PPP1R15B: variants seen among roughly 807,000 people sequenced by gnomAD.
PPP1R15B encodes protein phosphatase 1 regulatory subunit 15B.
A neutral mutation model predicts 53.9 loss-of-function variants in PPP1R15B; 31 were observed. The observed-to-expected ratio is 0.58, with a 90% CI of 0.43 to 0.78. PPP1R15B has a LOEUF of 0.78. Ranked by LOEUF, PPP1R15B falls within the 30% of genes least tolerant of loss-of-function variation. The probability of loss-of-function intolerance (pLI) is 0.00; values close to 1 mark genes in which losing one functional copy is unlikely to be tolerated. For missense variants in PPP1R15B, 928 were observed against 849.6 expected (o/e 1.09, Z -1.15); for synonymous variants, 345 against 329.1 (o/e 1.05, Z -0.52).
At position 204,410,701 on chromosome 1, in the gene PPP1R15B, G is replaced by C; in HGVS notation, c.711C>G (p.Ser237Arg). The C allele has an allele frequency of 6.2e-7, 1 of 1,614,156 alleles. No homozygotes were observed. The highest frequency in any genetic ancestry group is 8.5e-7 in the Non-Finnish European group (1 of 1,179,998). The change falls in exon 1 of 2, where the codon AGC (serine) becomes AGG (arginine). Residue 237 changes from serine to arginine, a missense_variant. Transcript: ENST00000367188. ...CGCTATTTCCATCACTGTTCTGATA[G>C]CTGACTTCTAGCCTAGGAAAGCAGT... ...YLDCFPRLEV[S>R]YQNSDGNSEV... is the part of the protein sequence containing the mutation.
chr1:204,409,463 T>C, intron 1 of PPP1R15B, 29 bp downstream of exon 1: 4 of 1,583,960 alleles, frequency 2.5e-6, no homozygotes, highest in Non-Finnish European at 3.4e-6. Flanking sequence ...TCAGAACATA[T>C]CAGGCATGTT....
At chr1:204,397,056 T>C (rs1272487839), downstream of PPP1R15B, among the ~76,000 whole-genome samples, 1 of 151,854 alleles carries the variant, frequency 6.6e-6, no homozygotes, top group Non-Finnish European at 1.5e-5. Flanking sequence ...GTTGTGGTGG[T>C]GTGAGCCTGT....
chr1:204,404,245 A>G lies in PPP1R15B; in HGVS notation c.*1847T>C. On this transcript the variant is annotated 3_prime_UTR_variant, in exon 2 of 2. Coordinates refer to ENST00000367188, the MANE Select transcript of PPP1R15B (RefSeq NM_032833.5). ...ACACACAGAATCCCAGCACTTTGAG[A>G]GGCCGAGGCGGGCGGATCACGAGGT... 1 of 984,228 alleles carries G rather than the reference A, an allele frequency of 1.0e-6. No individual in the cohort carries two copies. Among genetic ancestry groups the G allele is most frequent in the Non-Finnish European group, 1.2e-6 (1 of 828,876 alleles). 61.0% of individuals were successfully genotyped at this position (984,228 alleles called of 1,614,324 possible). A position where few individuals can be genotyped will look rare whatever the true frequency, so the allele number is the denominator to read the frequency against.
downstream of PPP1R15B, among the ~76,000 whole-genome samples, chr1:204,401,698 A>G (rs1420282509): frequency 6.6e-6 from 1 of 152,212 alleles, no homozygotes; most frequent in East Asian, 1.9e-4. Flanking sequence ...CCCAAATCTG[A>G]GTAACTATCT....
intron 1 of PPP1R15B, among the ~76,000 whole-genome samples, chr1:204,406,844 C>A (rs1012633785): frequency 3.2e-4 from 48 of 152,038 alleles, no homozygotes; most frequent in African/African-American, 8.9e-4. Context: ...TATCTTTCAT[C>A]TATATATACT....
downstream of PPP1R15B, among the ~76,000 whole-genome samples, chr1:204,401,029 C>T (rs1345850128): frequency 6.6e-6 from 1 of 152,160 alleles, no homozygotes; most frequent in Non-Finnish European, 1.5e-5. Flanking sequence ...CTAGTTTCCC[C>T]TGTCTCTCTC....
chr1:204,399,836 T>A (rs1244837476), downstream of PPP1R15B, among the ~76,000 whole-genome samples: 2 of 152,312 alleles, frequency 1.3e-5, no homozygotes, highest in African/African-American at 4.8e-5. Context: ...AAAGAGGAAC[T>A]AGTCTTTCAT....
In PPP1R15B at chr1:204,403,476, T is replaced by G. The variant is rs1674213079; in HGVS notation, c.*2616A>C. ...TTTTAACTATAAAATCCCAACTAGT[T>G]ACATTTAAATTATTGATCTGTAGAA... is the stretch of plus-strand genomic sequence containing the variant. On this transcript the variant is annotated 3_prime_UTR_variant, in exon 2 of 2. Transcript: ENST00000367188. 2.3e-6 allele frequency: 2 copies of G among 877,490 alleles called. No homozygotes were observed. Among genetic ancestry groups the G allele is most frequent in the Non-Finnish European group, 2.7e-6 (2 of 731,420 alleles). The allele number at this position is 877,490 out of a possible 1,614,324, so 54.4% of individuals were successfully genotyped here.
Position 204,410,583 on chromosome 1 carries a change from C to T in PPP1R15B, c.829G>A (p.Ala277Thr). The change falls in exon 1 of 2, where the codon GCC becomes ACC. Residue 277 changes from alanine (A) to threonine (T), a missense_variant. Transcript: ENST00000367188. ...AGAGGTGGACATCCCTGCCACGAGGCCGGAATGAGTTCTGCACTCAGCGGC... is the reference window on the plus strand; with the variant it reads ...AGAGGTGGACATCCCTGCCACGAGGTCGGAATGAGTTCTGCACTCAGCGGC... ...PQPLSAELIPASWQGCPPLST... is the reference protein window; with the variant it reads ...PQPLSAELIPTSWQGCPPLST... 1 of 1,613,838 alleles carries T rather than the reference C, an allele frequency of 6.2e-7. No homozygotes were observed. The highest frequency in any genetic ancestry group is 2.2e-5 in the East Asian group (1 of 44,886).
rs1465652991 is a variant in PPP1R15B, at chr1:204,403,423, ATTAG to A, written c.*2665_*2668del. 2.7e-6 allele frequency: 2 copies of A among 742,730 alleles called. No individual in the cohort carries two copies. The highest frequency in any genetic ancestry group is 3.8e-5 in the African/African-American group (2 of 52,312). 46.0% of individuals were successfully genotyped at this position (742,730 alleles called of 1,614,324 possible). ...CAAATATATTTATTACAATTTACAGATTAGTTATGTTATATACACAAATATAATT... is the reference window on the plus strand; with the variant it reads ...CAAATATATTTATTACAATTTACAGATTATGTTATATACACAAATATAATT... On this transcript the variant is annotated 3_prime_UTR_variant, in exon 2 of 2. Transcript: ENST00000367188.
chr1:204,401,401 C>T (rs923547948), downstream of PPP1R15B, among the ~76,000 whole-genome samples: 6 of 152,286 alleles, frequency 3.9e-5, no homozygotes, highest in Admixed American at 2.6e-4. Flanking sequence ...CAACTAAGTT[C>T]ATAAGGAAAG....
chr1:204,400,326 CT>C (rs1227748330), downstream of PPP1R15B, among the ~76,000 whole-genome samples: 4 of 149,872 alleles, frequency 2.7e-5, no homozygotes, highest in Non-Finnish European at 5.9e-5. Flanking sequence ...TGGAATGTTT[CT>C]GAAAGTTAAT....
chr1:204,411,539 T>C lies in PPP1R15B; in HGVS notation c.-128A>G. On this transcript the variant is annotated 5_prime_UTR_variant, in exon 1 of 2. Coordinates refer to ENST00000367188, the MANE Select transcript of PPP1R15B (RefSeq NM_032833.5). The stretch of plus-strand genomic sequence containing the variant: ...TGGCGTCGCTGCTCCAGGCCGATCT[T>C]CGAGCCAGCAGAAAAGCCACAGAGG... 1.5e-6 allele frequency: 2 copies of C among 1,301,358 alleles called. No homozygotes were observed. The highest frequency in any genetic ancestry group is 2.1e-6 in the Non-Finnish European group (2 of 954,394). 80.6% of individuals were successfully genotyped at this position (1,301,358 alleles called of 1,614,324 possible). A position where few individuals can be genotyped will look rare whatever the true frequency, so the allele number is the denominator to read the frequency against.
intron 1 of PPP1R15B, among the ~76,000 whole-genome samples, chr1:204,408,625 T>C (rs1243738011): frequency 1.3e-5 from 2 of 152,194 alleles, no homozygotes; most frequent in African/African-American, 4.8e-5. Flanking sequence ...ATAGACACCT[T>C]TGAGTTTGGA....
At position 204,406,052 on chromosome 1, in the gene PPP1R15B, A is replaced by C. The variant is rs780437646; in HGVS notation, c.*40T>G. On this transcript the variant is annotated 3_prime_UTR_variant, in exon 2 of 2. Coordinates refer to ENST00000367188, the MANE Select transcript of PPP1R15B (RefSeq NM_032833.5). ...TGTTTTTAAAAGACACCTCTCAGGT[A>C]AGAGGTAGTGTATGCTAGCTAGGAC... 1 of 1,599,758 alleles carries C rather than the reference A, an allele frequency of 6.3e-7. No individual in the cohort carries two copies. The highest frequency in any genetic ancestry group is 1.1e-5 in the South Asian group (1 of 90,370).
At position 204,410,947 on chromosome 1, in the gene PPP1R15B, G is replaced by A. The variant is rs1674361164; in HGVS notation, c.465C>T (p.Asp155=). 1.9e-6 allele frequency: 3 copies of A among 1,614,110 alleles called. No homozygotes were observed. Among genetic ancestry groups the A allele is most frequent in the Middle Eastern group, 1.6e-4 (1 of 6,062 alleles). ...CCTTGGCCTTAAGCTCCAATTTTAG[G>A]TCTGGGGGCGAGTATTGCCAGTGGA... ...EGIHWQYSPP[D]LKLELKAKGS... Residue 155 remains aspartate (D), a synonymous_variant, in exon 1 of 2, where the codon GAC becomes GAT. Transcript: ENST00000367188.
In PPP1R15B at chr1:204,409,989, G is replaced by C. The variant is rs1438413885; in HGVS notation, c.1423C>G (p.Leu475Val). The change falls in exon 1 of 2, where the codon CTT becomes GTT. Residue 475 changes from leucine (L) to valine (V), a missense_variant. Physicochemically the swap from Leu to Val is conservative, Grantham distance 32. Transcript: ENST00000367188. ...DSDLEQDPEG[L>V]HLWNSFCSVD... ...CTGCAGAAAGAGTTCCAAAGGTGAA[G>C]CCCTTCAGGGTCTTGTTCAAGGTCT... is the stretch of plus-strand genomic sequence containing the variant. The C allele has an allele frequency of 1.9e-5, 30 of 1,614,054 alleles. No individual in the cohort carries two copies. Among genetic ancestry groups the C allele is most frequent in the Non-Finnish European group, 2.3e-5 (27 of 1,180,034 alleles).
Position 204,405,526 on chromosome 1 carries a change from GAA to G in PPP1R15B, c.*564_*565del. On this transcript the variant is annotated 3_prime_UTR_variant, in exon 2 of 2. Coordinates refer to ENST00000367188, the MANE Select transcript of PPP1R15B (RefSeq NM_032833.5). ...TTTTCAATCCAAGTCATTTTTACAA[GAA>G]AAAAAAAAGTGACACAAAATAATGC... is the stretch of plus-strand genomic sequence containing the variant. 1 of 912,270 alleles carries G rather than the reference GAA, an allele frequency of 1.1e-6. No individual in the cohort carries two copies. The highest frequency in any genetic ancestry group is 1.3e-6 in the Non-Finnish European group (1 of 767,708). 56.5% of individuals were successfully genotyped at this position (912,270 alleles called of 1,614,324 possible).
chr1:204,406,088 C>T lies in PPP1R15B; in HGVS notation c.*4G>A, dbSNP rs760341612. On this transcript the variant is annotated 3_prime_UTR_variant, in exon 2 of 2. Coordinates refer to ENST00000367188, the MANE Select transcript of PPP1R15B (RefSeq NM_032833.5). ...TATGCTAGCTAGGACTACAGGCTGC[C>T]AACTCAACATTGCTTGAGAACATTA... The T allele has an allele frequency of 1.2e-6, 2 of 1,613,886 alleles. No homozygotes were observed. The highest frequency in any genetic ancestry group is 2.2e-5 in the South Asian group (2 of 91,072).
Sources: allele counts gnomAD v4.1 joint callset (sites outside exome capture counted in the v4.1 genomes callset), GRCh38; gene constraint gnomAD v4.1.1; transcripts MANE v1.5; gene names NCBI Gene and HGNC (gene_info 2026-07-23, HGNC 2026-07-21).